Variants in MANSC4 observed in about 807,000 individuals in gnomAD.
MANSC4 encodes MANSC domain-containing protein 4.
Under a neutral mutation model 11.4 loss-of-function variants are expected in MANSC4, and 11 were observed. That is an observed-to-expected ratio of 0.97 (90% confidence interval 0.61 to 1.60). MANSC4 has a LOEUF of 1.60. MANSC4 is among the 40% of genes most tolerant of loss of function. The pLI, the probability that MANSC4 is intolerant of heterozygous loss-of-function variation, is 0.00. For missense variants in MANSC4, 354 were observed against 404.6 expected, an observed-to-expected ratio of 0.88 and a Z score of 1.07; for synonymous variants, 123 against 147.1, an observed-to-expected ratio of 0.84 and a Z score of 1.19.
chr12:27,777,121 C>G (rs936384157), intron 1 of MANSC4, among the ~76,000 whole-genome samples: 2 of 152,198 alleles, frequency 1.3e-5, no homozygotes, highest in African/African-American at 4.8e-5. Flanking sequence ...TATTGTGAGA[C>G]TAATACCCCA....
rs1333971277 is a variant in MANSC4, at chr12:27,771,511, T to G, written c.-235A>C. On this transcript the variant is annotated 5_prime_UTR_variant, in exon 2 of 4. Transcript: ENST00000381273. ...TTGCTGGCATTCTTTCTGAACACTTTCCAGGCTATTTCAATACCCTGTCCC... is the reference window on the plus strand; with the variant it reads ...TTGCTGGCATTCTTTCTGAACACTTGCCAGGCTATTTCAATACCCTGTCCC... 6.6e-6 allele frequency among the ~76,000 whole-genome samples: 1 copy of G among 152,232 alleles called. No homozygotes were observed. Among genetic ancestry groups the G allele is most frequent in the East Asian group, 1.9e-4 (1 of 5,198 alleles).
At chr12:27,769,099 C>A (rs769037970) in intron 2 of MANSC4, among the ~76,000 whole-genome samples, 1 of 152,098 alleles carries the variant, frequency 6.6e-6, no homozygotes, top group Admixed American at 6.6e-5. Context: ...CTCATGTTGC[C>A]GCACTCTATT....
Position 27,771,368 on chromosome 12 carries a change from GTGT to G in MANSC4, c.-95_-93del, listed in dbSNP as rs563163930. ...TAGGACAGTCTCTGGAACGTCAGAG[GTGT>G]TGTTAAGGGAGAGCTTCCTTGCAGC... On this transcript the variant is annotated 5_prime_UTR_variant, in exon 2 of 4. Transcript: ENST00000381273. The G allele has an allele frequency of 8.8e-4, 1,014 of 1,149,342 alleles. 1 individual carries two copies. The highest frequency in any genetic ancestry group is 1.6e-3 in the Admixed American group (64 of 39,332). 71.2% of individuals were successfully genotyped at this position (1,149,342 alleles called of 1,614,324 possible).
chr12:27,770,990 G>C lies in MANSC4; in HGVS notation c.229+58C>G, dbSNP rs975104380. Reference sequence around the variant, plus strand: ...GCCTCTGCCTAAGGCTCCTCACTTAGGGCTTCATCCTTGGAAGTTTCTTCT... The same window carrying C: ...GCCTCTGCCTAAGGCTCCTCACTTACGGCTTCATCCTTGGAAGTTTCTTCT... On this transcript the variant is annotated intron_variant, in intron 2 of 3. Coordinates refer to ENST00000381273, the MANE Select transcript of MANSC4 (RefSeq NM_001146221.5). 4 of 1,343,376 alleles carry C rather than the reference G, an allele frequency of 3.0e-6. No individual in the cohort carries two copies. In the African/African-American group the frequency reaches 5.9e-5, roughly 20 times the overall value. The allele number at this position is 1,343,376 out of a possible 1,614,324, so 83.2% of individuals were successfully genotyped here. A position where few individuals can be genotyped will look rare whatever the true frequency, so the allele number is the denominator to read the frequency against.
chr12:27,780,235 C>A lies in MANSC4; in HGVS notation c.-332G>T. 6 of 1,204,742 alleles carry A rather than the reference C, an allele frequency of 5.0e-6. No homozygotes were observed. Among genetic ancestry groups the A allele is most frequent in the Non-Finnish European group, 6.4e-6 (6 of 935,132 alleles). The allele number at this position is 1,204,742 out of a possible 1,614,324, so 74.6% of individuals were successfully genotyped here. On this transcript the variant is annotated 5_prime_UTR_variant, in exon 1 of 4. Coordinates refer to ENST00000381273, the MANE Select transcript of MANSC4 (RefSeq NM_001146221.5). The surrounding 1 kb of genome is among the most constrained non-coding windows in gnomAD (Gnocchi z 8.8). ...CTCGCCGCTCCTCCCGGGCCGCCAT[C>A]CCTCGGCGCCCCGCCCGGAACCGGC...
intron 2 of MANSC4, among the ~76,000 whole-genome samples, chr12:27,768,702 A>G (rs998498171): frequency 4.9e-4 from 74 of 149,612 alleles, no homozygotes; most frequent in African/African-American, 1.7e-3. Context: ...TCTTGGCTCA[A>G]TGCAACTTCC....
intron 1 of MANSC4, among the ~76,000 whole-genome samples, chr12:27,778,663 G>T (rs897596656): frequency 1.3e-5 from 2 of 152,048 alleles, no homozygotes; most frequent in Non-Finnish European, 1.5e-5. Flanking sequence ...AAGGTTTTCT[G>T]TTTTTGTTTT....
intron 1 of MANSC4, among the ~76,000 whole-genome samples, chr12:27,773,615 T>G (rs1362114175): frequency 6.6e-6 from 1 of 152,248 alleles, no homozygotes; most frequent in Admixed American, 6.5e-5. Flanking sequence ...GACAGCCTGA[T>G]TCAGTAGCTG....
intron 1 of MANSC4, among the ~76,000 whole-genome samples, chr12:27,777,842 T>C (rs143384023): frequency 6.6e-6 from 1 of 152,032 alleles, no homozygotes; most frequent in African/African-American, 2.4e-5. Context: ...GGCAGCAGGA[T>C]CACTTGGGGT....
In MANSC4 at chr12:27,763,400, A is replaced by G. The variant is rs1450594930; in HGVS notation, c.365-4T>C. On this transcript the variant is annotated splice_region_variant and splice_polypyrimidine_tract_variant and intron_variant, in intron 3 of 3. Coordinates refer to ENST00000381273, the MANE Select transcript of MANSC4 (RefSeq NM_001146221.5). ...ACCAGCAAATCCGGATCTATACCTGAAAAATAAATAAGGCATCATTCATTT... is the reference window on the plus strand; with the variant it reads ...ACCAGCAAATCCGGATCTATACCTGGAAAATAAATAAGGCATCATTCATTT... 8.5e-6 allele frequency: 13 copies of G among 1,530,614 alleles called. No homozygotes were observed. The East Asian group carries it at 3.2e-4, about 38-fold the overall frequency. 94.8% of individuals were successfully genotyped at this position (1,530,614 alleles called of 1,614,324 possible). A position where few individuals can be genotyped will look rare whatever the true frequency, so the allele number is the denominator to read the frequency against.
intron 1 of MANSC4, among the ~76,000 whole-genome samples, chr12:27,771,833 G>T (rs2062102050): frequency 6.6e-6 from 1 of 151,934 alleles, no homozygotes; most frequent in Non-Finnish European, 1.5e-5. Flanking sequence ...TGGCATTCAG[G>T]TTCACCAAAA....
chr12:27,772,469 A>T (rs2140803469), intron 1 of MANSC4, among the ~76,000 whole-genome samples: 1 of 152,370 alleles, frequency 6.6e-6, no homozygotes, highest in South Asian at 2.1e-4. Context: ...ATAATAGTCA[A>T]TCTAGTTATT....
intron 1 of MANSC4, among the ~76,000 whole-genome samples, chr12:27,774,955 C>A (rs1433603046): frequency 6.6e-6 from 1 of 151,802 alleles, no homozygotes; most frequent in Non-Finnish European, 1.5e-5. Context: ...ACCTGGGAGG[C>A]GGAGCTTGCA....
intron 2 of MANSC4, among the ~76,000 whole-genome samples, chr12:27,769,064 T>G (rs2062088076): frequency 6.6e-6 from 1 of 152,210 alleles, no homozygotes; most frequent in Non-Finnish European, 1.5e-5. Flanking sequence ...GAGGAGTTAA[T>G]CTCCATCATT....
At chr12:27,767,283 T>C (rs1238718846) in intron 2 of MANSC4, among the ~76,000 whole-genome samples, 1 of 152,194 alleles carries the variant, frequency 6.6e-6, no homozygotes, top group Non-Finnish European at 1.5e-5. Flanking sequence ...AAAATGCCTT[T>C]TTAAAATAAA....
chr12:27,770,474 C>T (rs1165273525), intron 2 of MANSC4, among the ~76,000 whole-genome samples: 1 of 151,968 alleles, frequency 6.6e-6, no homozygotes, highest in African/African-American at 2.4e-5. Flanking sequence ...AGCCACCGCA[C>T]CTGGCCCAGC....
chr12:27,768,402 CAAAAAAAA>C (rs201953091), intron 2 of MANSC4, among the ~76,000 whole-genome samples: 2 of 109,684 alleles, frequency 1.8e-5, no homozygotes, highest in East Asian at 2.5e-4. Flanking sequence ...GACTCTGTCT[CAAAAAAAA>C]AAAAAAAAAA....
At chr12:27,766,073 C>CTTT (rs36071035) in intron 3 of MANSC4, among the ~76,000 whole-genome samples, 24,081 of 143,248 alleles carry the variant, frequency 0.17, 2,405 homozygotes, top group Non-Finnish European at 0.24. Context: ...ACCACAGGAC[C>CTTT]TTTTTTTTTT....
At chr12:27,778,754 T>C (rs1172186208) in intron 1 of MANSC4, among the ~76,000 whole-genome samples, 1 of 152,138 alleles carries the variant, frequency 6.6e-6, no homozygotes, top group Non-Finnish European at 1.5e-5. Context: ...AAACAATATA[T>C]TTCTCCCCCC....
Sources: gnomAD v4.1 joint callset for allele counts (sites outside exome capture counted in the v4.1 genomes callset) on GRCh38, gnomAD v4.1.1 for gene constraint, Gnocchi (gnomAD v3.1) non-coding constraint, MANE v1.5 for transcripts, NCBI Gene and HGNC (gene_info 2026-07-23, HGNC 2026-07-21) for gene names.